Variants in OR2L13 observed in about 807,000 individuals in gnomAD.
The protein encoded by OR2L13 is olfactory receptor 2L13.
In OR2L13, 14 loss-of-function variants were observed where a neutral mutation model predicts 15.3. The ratio of observed to expected loss-of-function variants is 0.91; its 90% CI spans 0.60 to 1.43. The LOEUF is 1.43. Among genes scored for constraint, OR2L13 ranks in the 40% most tolerant of loss-of-function variants. The probability of loss-of-function intolerance (pLI) is 0.00; values close to 1 mark genes in which losing one functional copy is unlikely to be tolerated. For synonymous variants in OR2L13, 152 were observed against 142.9 expected (o/e 1.06, Z -0.45); for missense variants, 367 against 387.9 (o/e 0.95, Z 0.45).
the OR2L13 span, among the ~76,000 whole-genome samples, chr1:248,059,288 G>T: frequency 6.6e-6 from 1 of 152,172 alleles, no homozygotes; most frequent in Non-Finnish European, 1.5e-5. Flanking sequence ...GTGCAAAGTT[G>T]TTCTCTGATG....
At chr1:248,091,324 T>G (rs1664592028), upstream of OR2L13, among the ~76,000 whole-genome samples, 1 of 152,194 alleles carries the variant, frequency 6.6e-6, no homozygotes. Flanking sequence ...TTTGTTAAAA[T>G]CAATTTTAGT....
the OR2L13 span, among the ~76,000 whole-genome samples, chr1:248,089,301 G>T: frequency 6.6e-6 from 1 of 152,142 alleles, no homozygotes; most frequent in South Asian, 2.1e-4. Context: ...CACCCTCTGG[G>T]CAAGGAAATG....
the OR2L13 span, among the ~76,000 whole-genome samples, chr1:247,952,004 C>G: frequency 6.6e-6 from 1 of 151,968 alleles, no homozygotes; most frequent in Non-Finnish European, 1.5e-5. Context: ...CGCGCGTGCG[C>G]GCATGAGAAG....
At chr1:248,051,603 G>T in the OR2L13 span, among the ~76,000 whole-genome samples, 7 of 152,016 alleles carry the variant, frequency 4.6e-5, no homozygotes, top group Non-Finnish European at 1.0e-4. Context: ...TGAGGGAGGA[G>T]GCAAGGGTTG....
the OR2L13 span, among the ~76,000 whole-genome samples, chr1:248,066,575 A>G: frequency 3.3e-5 from 5 of 152,340 alleles, no homozygotes; most frequent in East Asian, 9.6e-4. Context: ...ACTGAGGTCA[A>G]TTTGACATTT....
At chr1:248,044,501 C>T in the OR2L13 span, among the ~76,000 whole-genome samples, 1 of 151,516 alleles carries the variant, frequency 6.6e-6, no homozygotes, top group Non-Finnish European at 1.5e-5. Flanking sequence ...CGCATCCGGA[C>T]TCCTTAAAAA....
chr1:247,994,821 T>C, the OR2L13 span, among the ~76,000 whole-genome samples: 1 of 152,258 alleles, frequency 6.6e-6, no homozygotes, highest in South Asian at 2.1e-4. Flanking sequence ...TCAATATGTA[T>C]ATGAATGTCA....
the OR2L13 span, chr1:248,039,116 G>T: frequency 3.0e-5 from 49 of 1,614,074 alleles, no homozygotes; most frequent in African/African-American, 5.3e-4. Context: ...TCACCCCAAT[G>T]CTCAACCCCA....
the OR2L13 span, among the ~76,000 whole-genome samples, chr1:248,001,531 TAAA>T: frequency 6.6e-6 from 1 of 151,158 alleles, no homozygotes; most frequent in Non-Finnish European, 1.5e-5. Context: ...TTTCTGTAAA[TAAA>T]AAAATAAAAT....
At chr1:248,059,975 G>A in the OR2L13 span, among the ~76,000 whole-genome samples, 1 of 151,762 alleles carries the variant, frequency 6.6e-6, no homozygotes, top group African/African-American at 2.4e-5. Flanking sequence ...GAATGTCAAG[G>A]ATGCAGTGAG....
chr1:248,038,524 A>G, the OR2L13 span: 28 of 1,614,180 alleles, frequency 1.7e-5, no homozygotes, highest in Non-Finnish European at 2.4e-5. Context: ...GATTTTCTGT[A>G]TGGAAACAAG....
At chr1:248,044,604 C>A in the OR2L13 span, among the ~76,000 whole-genome samples, 6 of 87,044 alleles carry the variant, frequency 6.9e-5, no homozygotes, top group Non-Finnish European at 1.2e-4. Flanking sequence ...GAGATCGAGA[C>A]CATCCTGGCT....
the OR2L13 span, among the ~76,000 whole-genome samples, chr1:248,088,802 A>G: frequency 6.6e-6 from 1 of 152,194 alleles, no homozygotes; most frequent in South Asian, 2.1e-4. Context: ...TTGTTTTGTC[A>G]AGTAGACATG....
the OR2L13 span, among the ~76,000 whole-genome samples, chr1:248,012,818 TA>T: frequency 6.6e-6 from 1 of 152,048 alleles, no homozygotes; most frequent in Non-Finnish European, 1.5e-5. Flanking sequence ...AAATGATTAT[TA>T]AAAACATTTA....
At chr1:248,096,870 C>G (rs1164876898), upstream of OR2L13, among the ~76,000 whole-genome samples, 1 of 152,142 alleles carries the variant, frequency 6.6e-6, no homozygotes, top group Non-Finnish European at 1.5e-5. Flanking sequence ...AAGTAGCCCC[C>G]TTTAAATTAT....
At chr1:248,021,493 A>G in the OR2L13 span, among the ~76,000 whole-genome samples, 1 of 152,202 alleles carries the variant, frequency 6.6e-6, no homozygotes, top group South Asian at 2.1e-4. Flanking sequence ...CCACAAATGA[A>G]CACTTCATAA....
the OR2L13 span, among the ~76,000 whole-genome samples, chr1:247,970,605 C>T: frequency 3.3e-5 from 5 of 152,000 alleles, no homozygotes; most frequent in South Asian, 2.1e-4. Flanking sequence ...ATTGTCAACC[C>T]GATTTTATAA....
the OR2L13 span, among the ~76,000 whole-genome samples, chr1:248,005,656 A>G: frequency 3.3e-5 from 5 of 152,150 alleles, no homozygotes; most frequent in Non-Finnish European, 7.4e-5. Context: ...TAATTATTCA[A>G]TCCATGAGCA....
the OR2L13 span, among the ~76,000 whole-genome samples, chr1:248,080,697 T>C: frequency 1.3e-5 from 2 of 152,224 alleles, no homozygotes; most frequent in South Asian, 2.1e-4. Flanking sequence ...TTGTGTTGGA[T>C]TCAAGTCTTT....
Sources: allele counts gnomAD v4.1 joint callset (sites outside exome capture counted in the v4.1 genomes callset), GRCh38; gene constraint gnomAD v4.1.1; transcripts MANE v1.5; gene names NCBI Gene and HGNC (gene_info 2026-07-23, HGNC 2026-07-21).